The following SLC22A24 variants were observed in gnomAD, a reference collection of about 807,000 sequenced individuals.
SLC22A24 encodes steroid transmembrane transporter SLC22A24.
SLC22A24 carries 53 observed loss-of-function variants against 49.8 expected under a neutral mutation model. The ratio of observed to expected loss-of-function variants is 1.06; its 90% CI spans 0.85 to 1.34. The LOEUF is 1.34. Ranked by LOEUF, SLC22A24 falls within the 40% of genes most tolerant of loss-of-function variation. The pLI is 0.00. For synonymous variants in SLC22A24, 302 were observed against 256.4 expected (o/e 1.18, Z -1.70); for missense variants, 786 against 675.9 (o/e 1.16, Z -1.81).
At chr11:63,103,493 A>G (rs546511822) in intron 5 of SLC22A24, among the ~76,000 whole-genome samples, 2 of 152,260 alleles carry the variant, frequency 1.3e-5, no homozygotes, top group Non-Finnish European at 2.9e-5. Context: ...ACATCTAACA[A>G]TACCCTGGTA....
chr11:63,125,190 G>T (rs1251645792), intron 2 of SLC22A24, among the ~76,000 whole-genome samples: 1 of 151,830 alleles, frequency 6.6e-6, no homozygotes, highest in African/African-American at 2.4e-5. Flanking sequence ...TAAGTTCTGA[G>T]GTACCTGTGC....
chr11:63,092,073 T>C (rs1335295300), intron 6 of SLC22A24, among the ~76,000 whole-genome samples: 1 of 152,072 alleles, frequency 6.6e-6, no homozygotes, highest in Admixed American at 6.6e-5. Context: ...ACAAAATCAA[T>C]ATGCAAAAGT....
At chr11:63,115,633 C>A (rs1429522842) in intron 4 of SLC22A24, among the ~76,000 whole-genome samples, 2 of 152,204 alleles carry the variant, frequency 1.3e-5, no homozygotes, top group East Asian at 3.9e-4. Flanking sequence ...GCAGAAATCA[C>A]CCATCTTCTG....
At chr11:63,133,224 C>T (rs1353033556) in intron 2 of SLC22A24, among the ~76,000 whole-genome samples, 3 of 152,186 alleles carry the variant, frequency 2.0e-5, no homozygotes, top group African/African-American at 7.2e-5. Flanking sequence ...TCTGTCACAC[C>T]TTCCCTTGGC....
At chr11:63,132,839 C>A (rs2087346493) in intron 2 of SLC22A24, among the ~76,000 whole-genome samples, 1 of 152,176 alleles carries the variant, frequency 6.6e-6, no homozygotes, top group Non-Finnish European at 1.5e-5. Flanking sequence ...CTCTTCAGAG[C>A]TGTCAGACAG....
intron 1 of SLC22A24, among the ~76,000 whole-genome samples, chr11:63,137,539 C>G (rs1332253845): frequency 2.0e-5 from 3 of 152,186 alleles, no homozygotes; most frequent in Admixed American, 2.0e-4. Flanking sequence ...CTCTCCCCAC[C>G]TGGAGTGGAT....
At chr11:63,136,439 A>G (rs1327296885) in intron 1 of SLC22A24, among the ~76,000 whole-genome samples, 1 of 152,216 alleles carries the variant, frequency 6.6e-6, no homozygotes, top group African/African-American at 2.4e-5. Flanking sequence ...AACATCCAAC[A>G]GCACATCATA....
rs180719329 is a variant in SLC22A24, at chr11:63,081,554, G to C, written c.1394+4C>G. On this transcript the variant is annotated splice_donor_region_variant and intron_variant, in intron 8 of 9. Transcript: ENST00000612278. ...TGAAACCAGATGGTCTTTAGCTCTT[G>C]TACCTCAATATGGTGGGGACGAGCT... 4 of 1,543,616 alleles carry C rather than the reference G, an allele frequency of 2.6e-6. No homozygotes were observed. Among genetic ancestry groups the C allele is most frequent in the Admixed American group, 2.0e-5 (1 of 50,972 alleles).
intron 5 of SLC22A24, among the ~76,000 whole-genome samples, chr11:63,101,793 A>T (rs566767252): frequency 6.6e-6 from 1 of 152,258 alleles, no homozygotes; most frequent in South Asian, 2.1e-4. Context: ...AGCAACATGG[A>T]TGAAACTGGA....
chr11:63,083,123 AG>A (rs1228333470), intron 7 of SLC22A24, 119 bp downstream of exon 7: 1 of 771,080 alleles, frequency 1.3e-6, no homozygotes, highest in Non-Finnish European at 2.1e-6. Flanking sequence ...TATTAACTTC[AG>A]GGAATCTTTT....
At chr11:63,135,428 T>A (rs2087366732) in intron 1 of SLC22A24, among the ~76,000 whole-genome samples, 1 of 152,236 alleles carries the variant, frequency 6.6e-6, no homozygotes, top group African/African-American at 2.4e-5. Context: ...CTAACAGCAT[T>A]CCAAATACTT....
At chr11:63,121,157 G>A (rs553632007) in intron 2 of SLC22A24, among the ~76,000 whole-genome samples, 1 of 152,268 alleles carries the variant, frequency 6.6e-6, no homozygotes, top group South Asian at 2.1e-4. Flanking sequence ...AATAATGTAT[G>A]AATATTGGTC....
At chr11:63,111,094 C>G (rs2087160371) in intron 4 of SLC22A24, among the ~76,000 whole-genome samples, 1 of 152,000 alleles carries the variant, frequency 6.6e-6, no homozygotes, top group Admixed American at 6.6e-5. Context: ...TTTTCTGCAT[C>G]TATTGAGATA....
At chr11:63,111,629 A>G (rs942679939) in intron 4 of SLC22A24, among the ~76,000 whole-genome samples, 16 of 150,550 alleles carry the variant, frequency 1.1e-4, no homozygotes, top group African/African-American at 3.9e-4. Flanking sequence ...TTTCTAGTTT[A>G]TTTGTGTAGA....
chr11:63,121,543 T>C (rs2087252069), intron 2 of SLC22A24, among the ~76,000 whole-genome samples: 1 of 151,976 alleles, frequency 6.6e-6, no homozygotes, highest in South Asian at 2.1e-4. Context: ...TAGAAAGAGA[T>C]TGGATACTTT....
At chr11:63,124,559 T>G (rs2087274886) in intron 2 of SLC22A24, among the ~76,000 whole-genome samples, 1 of 152,182 alleles carries the variant, frequency 6.6e-6, no homozygotes, top group African/African-American at 2.4e-5. Context: ...TTCCAAAATA[T>G]CCCTTCACTA....
intron 6 of SLC22A24, among the ~76,000 whole-genome samples, chr11:63,093,797 C>T (rs896273574): frequency 6.6e-6 from 1 of 151,886 alleles, no homozygotes; most frequent in Non-Finnish European, 1.5e-5. Flanking sequence ...TCCTGTGACA[C>T]GAGTTTACCT....
chr11:63,101,631 T>C (rs1374416265), intron 5 of SLC22A24, among the ~76,000 whole-genome samples: 1 of 152,192 alleles, frequency 6.6e-6, no homozygotes, highest in East Asian at 1.9e-4. Context: ...TGAAGAGATA[T>C]CTGCACTTCA....
At chr11:63,112,888 G>T (rs774093282) in intron 4 of SLC22A24, among the ~76,000 whole-genome samples, 20 of 150,596 alleles carry the variant, frequency 1.3e-4, no homozygotes, top group Non-Finnish European at 2.8e-4. Flanking sequence ...GGTGATGAGT[G>T]CCTGTAGTCC....
Sources: gnomAD v4.1 joint callset for allele counts (sites outside exome capture counted in the v4.1 genomes callset) on GRCh38, gnomAD v4.1.1 for gene constraint, MANE v1.5 for transcripts, NCBI Gene and HGNC (gene_info 2026-07-23, HGNC 2026-07-21) for gene names.